ADAP1: variants seen among roughly 807,000 people sequenced by gnomAD.
ADAP1 encodes the protein arf-GAP with dual PH domain-containing protein 1.
ADAP1 carries 31 observed loss-of-function variants against 54.9 expected under a neutral mutation model. The observed-to-expected ratio is 0.56, with a 90% CI of 0.42 to 0.76. ADAP1 has a LOEUF of 0.76. ADAP1 is among the 30% of genes least tolerant of loss of function. The pLI is 0.00. For synonymous variants in ADAP1, 313 were observed against 202.6 expected (o/e 1.55, Z -4.63); for missense variants, 535 against 512.4 (o/e 1.04, Z -0.42).
intron 2 of ADAP1, among the ~76,000 whole-genome samples, chr7:929,753 A>G (rs990253752): frequency 6.6e-6 from 1 of 152,096 alleles, no homozygotes; most frequent in Non-Finnish European, 1.5e-5. Flanking sequence ...ACTGAACTGT[A>G]CGCTTTACGG....
At chr7:903,790 C>T (rs908572571) in intron 6 of ADAP1, among the ~76,000 whole-genome samples, 10 of 152,154 alleles carry the variant, frequency 6.6e-5, no homozygotes, top group African/African-American at 1.2e-4. Context: ...ATTGTGGGGG[C>T]GGTGGATCCT....
intron 4 of ADAP1, among the ~76,000 whole-genome samples, chr7:915,365 C>T (rs1405378197): frequency 8.5e-5 from 13 of 152,332 alleles, no homozygotes; most frequent in Middle Eastern, 3.4e-3. Flanking sequence ...GAACAGAGGG[C>T]ACAGCCCATG....
In ADAP1 at chr7:906,701, ATGGG is replaced by A. The variant is rs1562915298; in HGVS notation, c.389-1533_389-1530del. Among the ~76,000 whole-genome samples the A allele has an allele frequency of 4.5e-3, 100 of 22,040 alleles. 4 individuals are homozygous for A. Among genetic ancestry groups the A allele is most frequent in the East Asian group, 0.041 (8 of 196 alleles). 14.5% of individuals were successfully genotyped at this position (22,040 alleles called of 152,430 possible). Reference sequence around the variant, plus strand: ...GACAGGGGACACGGGGGACATGGACATGGGGGACGGGACATCGGGGACGGGACAT... The same window carrying A: ...GACAGGGGACACGGGGGACATGGACAGGACGGGACATCGGGGACGGGACAT... On this transcript the variant is annotated intron_variant, in intron 4 of 10. Coordinates refer to ENST00000265846, the MANE Select transcript of ADAP1 (RefSeq NM_006869.4).
intron 3 of ADAP1, among the ~76,000 whole-genome samples, chr7:921,290 C>A (rs994063810): frequency 6.6e-6 from 1 of 152,214 alleles, no homozygotes; most frequent in Admixed American, 6.5e-5. Context: ...ACCTCACAAC[C>A]TTATCTTAAC....
intron 2 of ADAP1, among the ~76,000 whole-genome samples, chr7:929,291 CAA>C (rs761570809): frequency 2.5e-4 from 24 of 95,910 alleles, no homozygotes; most frequent in African/African-American, 3.4e-4. Context: ...GACTCCATCT[CAA>C]AAAAAAAAAA....
chr7:935,386 C>T lies in ADAP1; in HGVS notation c.202G>A (p.Ala68Thr), dbSNP rs866107596. The part of the protein sequence containing the change: ...KSVRLDAWEE[A>T]QVEFMASHGN... ...CTCCCCCTCCGTACCTCCACTTGGG[C>T]CTCCTCCCAGGCGTCCAGGCGGACG... Residue 68 changes from alanine to threonine, a missense_variant, in exon 2 of 11, where the codon GCC becomes ACC. Physicochemically the swap from Ala to Thr is moderately conservative, Grantham distance 58. Transcript: ENST00000265846. 3 of 1,559,938 alleles carry T rather than the reference C, an allele frequency of 1.9e-6. No homozygotes were observed. The highest frequency in any genetic ancestry group is 2.6e-6 in the Non-Finnish European group (3 of 1,151,896).
At chr7:914,756 G>C (rs967252132) in intron 4 of ADAP1, among the ~76,000 whole-genome samples, 1 of 152,184 alleles carries the variant, frequency 6.6e-6, no homozygotes, top group African/African-American at 2.4e-5. Flanking sequence ...CAGGGCCCTG[G>C]AACCCCGCCC....
chr7:905,271 A>T, intron 4 of ADAP1, 99 bp from the exon 5 acceptor site: 1 of 337,214 alleles, frequency 3.0e-6, no homozygotes, highest in Admixed American at 3.7e-5. Context: ...GGGAGAAGAC[A>T]CGGGGGACAC....
intron 4 of ADAP1, among the ~76,000 whole-genome samples, chr7:919,534 G>A (rs1413706285): frequency 6.9e-6 from 1 of 144,360 alleles, no homozygotes; most frequent in African/African-American, 2.7e-5. Flanking sequence ...GGGAGGGAGG[G>A]AAGGAGAGAG....
chr7:921,011 G>C, intron 3 of ADAP1: 1 of 688,606 alleles, frequency 1.5e-6, no homozygotes, highest in Non-Finnish European at 2.4e-6. Flanking sequence ...CTGGGTCTCT[G>C]GCCCCTGGCC....
rs546653987 is a variant in ADAP1 at position 899,238 on chromosome 7, G to A, written c.891C>T (p.Val297=). Residue 297 remains valine (V), a synonymous_variant, in exon 10 of 11, where the codon GTC becomes GTT. Transcript: ENST00000265846. The part of the protein sequence containing the change: ...DPLDAFARGE[V]FIGSKESGYT... ...AGCCACTCTCCTTGCTGCCAATGAA[G>A]ACTTCCCCTCGGGCGAAGGCGTCCT... The A allele has an allele frequency of 1.2e-6, 2 of 1,612,804 alleles. No homozygotes were observed. The highest frequency in any genetic ancestry group is 2.7e-5 in the African/African-American group (2 of 75,060).
chr7:948,146 C>T (rs1004049529), intron 1 of ADAP1, among the ~76,000 whole-genome samples: 4 of 152,034 alleles, frequency 2.6e-5, no homozygotes, highest in Admixed American at 2.6e-4. Context: ...TCACAACCCC[C>T]GAGCCCCAGC....
intron 8 of ADAP1, among the ~76,000 whole-genome samples, chr7:899,738 C>T (rs1257256152): frequency 1.3e-5 from 2 of 152,274 alleles, no homozygotes; most frequent in East Asian, 3.9e-4. Context: ...GGGGCCCAGG[C>T]CTCACTTACG....
rs559832475 is a variant in ADAP1 at position 929,116 on chromosome 7, A to AC, written c.214-2473dup. Among the ~76,000 whole-genome samples the AC allele has an allele frequency of 1.2e-3, 183 of 151,910 alleles. 4 individuals are homozygous for AC. The South Asian group carries it at 0.033, about 27-fold the overall frequency. On this transcript the variant is annotated intron_variant, in intron 2 of 10. Coordinates refer to ENST00000265846, the MANE Select transcript of ADAP1 (RefSeq NM_006869.4). ...AGACCAGCCTGGGCAACACGGTGAG[A>AC]CCCCGTCTCTACTGAAAATACAAAA...
chr7:922,946 C>G (rs1027637922), intron 3 of ADAP1: 4 of 151,508 alleles, frequency 2.6e-5, no homozygotes, highest in Non-Finnish European at 4.4e-5. Flanking sequence ...CCCTGACCCC[C>G]GGGCCTGAGT....
chr7:899,614 C>T (rs1018767084), intron 8 of ADAP1, 124 bp from the exon 9 acceptor site: 57 of 1,130,388 alleles, frequency 5.0e-5, no homozygotes, highest in East Asian at 4.1e-4. Flanking sequence ...CATTCACTCA[C>T]GCCTGCCGCT....
At chr7:939,098 T>C (rs773866668) in intron 1 of ADAP1, among the ~76,000 whole-genome samples, 13 of 152,130 alleles carry the variant, frequency 8.5e-5, no homozygotes, top group Non-Finnish European at 5.9e-5. Context: ...AGCTGCCTGT[T>C]GTTGTAAATA....
At position 945,912 on chromosome 7, in the gene ADAP1, G is replaced by A; in HGVS notation, c.82+8484C>T. On this transcript the variant is annotated intron_variant, in intron 1 of 10. Coordinates refer to ENST00000265846, the MANE Select transcript of ADAP1 (RefSeq NM_006869.4). The surrounding 1 kb of genome is among the most constrained non-coding windows in gnomAD (Gnocchi z 4.2). ...GCCCAGGCTGGGGCACGGGCAGGGG[G>A]AAGGGCAGTAGCCAAGCCTGTCCAT... 3.7e-6 allele frequency: 3 copies of A among 810,640 alleles called. No homozygotes were observed. The highest frequency in any genetic ancestry group is 4.5e-6 in the Non-Finnish European group (3 of 670,306). 50.2% of individuals were successfully genotyped at this position (810,640 alleles called of 1,614,324 possible).
intron 4 of ADAP1, among the ~76,000 whole-genome samples, chr7:910,846 C>T (rs1845694002): frequency 6.6e-6 from 1 of 152,194 alleles, no homozygotes; most frequent in Non-Finnish European, 1.5e-5. Context: ...CCGGCCGTCC[C>T]TGTGAAGGGC....
Sources: allele counts gnomAD v4.1 joint callset (sites outside exome capture counted in the v4.1 genomes callset), GRCh38; gene constraint gnomAD v4.1.1; non-coding constraint Gnocchi (gnomAD v3.1); transcripts MANE v1.5; gene names NCBI Gene and HGNC (gene_info 2026-07-23, HGNC 2026-07-21).